Variants in SLTM observed in about 807,000 individuals in gnomAD.
The protein encoded by SLTM is SAFB like transcription modulator.
A neutral mutation model predicts 134.6 loss-of-function variants in SLTM; 43 were observed. The observed-to-expected ratio is 0.32, with a 90% CI of 0.25 to 0.41. The LOEUF is 0.41. SLTM is among the 10% of genes least tolerant of loss of function. The pLI is 1.00. For missense variants in SLTM, 1,055 were observed against 1,288.8 expected (o/e 0.82, Z 2.78); for synonymous variants, 424 against 432.3 (o/e 0.98, Z 0.24).
intron 2 of SLTM, among the ~76,000 whole-genome samples, chr15:58,924,935 T>A (rs1242215682): frequency 6.6e-6 from 1 of 152,128 alleles, no homozygotes; most frequent in Admixed American, 6.6e-5. Context: ...TCTTCCTGCC[T>A]TGGCCTCCCA....
intron 14 of SLTM, among the ~76,000 whole-genome samples, chr15:58,891,674 C>T (rs1375707524): frequency 3.9e-5 from 6 of 152,178 alleles, no homozygotes; most frequent in African/African-American, 1.4e-4. Flanking sequence ...ATGCAAACAT[C>T]TGACTACTTC....
intron 2 of SLTM, among the ~76,000 whole-genome samples, chr15:58,924,161 G>A (rs2037301193): frequency 6.6e-6 from 1 of 152,038 alleles, no homozygotes; most frequent in Non-Finnish European, 1.5e-5. Flanking sequence ...AAAATAAATT[G>A]GGCAGTAAAC....
intron 14 of SLTM, among the ~76,000 whole-genome samples, chr15:58,890,771 A>C (rs2034586214): frequency 6.6e-6 from 1 of 152,202 alleles, no homozygotes; most frequent in African/African-American, 2.4e-5. Flanking sequence ...TTTTAGAAGG[A>C]TGTAATCTGC....
At chr15:58,896,767 T>G (rs1275770328) in intron 9 of SLTM, among the ~76,000 whole-genome samples, 1 of 152,184 alleles carries the variant, frequency 6.6e-6, no homozygotes, top group African/African-American at 2.4e-5. Flanking sequence ...AATAATAGTC[T>G]AAATATAAAT....
chr15:58,885,823 C>CA (rs781185278), intron 19 of SLTM, among the ~76,000 whole-genome samples: 1 of 151,304 alleles, frequency 6.6e-6, no homozygotes, highest in African/African-American at 2.4e-5. Context: ...AAAACAACAA[C>CA]ACACACACAC....
intron 5 of SLTM, among the ~76,000 whole-genome samples, chr15:58,911,492 C>G (rs1225367987): frequency 6.6e-6 from 1 of 152,148 alleles, no homozygotes; most frequent in African/African-American, 2.4e-5. Flanking sequence ...CTAACACATA[C>G]CAATGGGCGC....
intron 2 of SLTM, among the ~76,000 whole-genome samples, chr15:58,926,367 T>G (rs2037468996): frequency 6.6e-6 from 1 of 152,174 alleles, no homozygotes; most frequent in Admixed American, 6.5e-5. Flanking sequence ...AAAAAACCTT[T>G]AAACATAAAC....
rs771816202 is a variant in SLTM, at chr15:58,883,789, A to G, written c.2836-3T>C. 4.3e-6 allele frequency: 7 copies of G among 1,613,702 alleles called. No homozygotes were observed. In the South Asian group the frequency reaches 6.6e-5, roughly 15 times the overall value. ...ACATGTCGCTCCTCAGGATAGTGCT[A>G]AAAGAATAGCATATGAAAAGTCACT... On this transcript the variant is annotated splice_region_variant and splice_polypyrimidine_tract_variant and intron_variant, in intron 19 of 20. Coordinates refer to ENST00000380516, the MANE Select transcript of SLTM (RefSeq NM_024755.4).
At chr15:58,914,618 T>C (rs1305658752) in intron 3 of SLTM, among the ~76,000 whole-genome samples, 2 of 152,190 alleles carry the variant, frequency 1.3e-5, no homozygotes, top group African/African-American at 2.4e-5. Context: ...GGCTGTATTA[T>C]GGCAGAAGAA....
intron 2 of SLTM, among the ~76,000 whole-genome samples, chr15:58,927,033 T>C (rs1234502798): frequency 6.6e-6 from 1 of 152,084 alleles, no homozygotes; most frequent in East Asian, 1.9e-4. Flanking sequence ...ACAGCATCAA[T>C]GTGGTAAAGA....
At chr15:58,906,408 C>T (rs2035872522) in intron 5 of SLTM, among the ~76,000 whole-genome samples, 1 of 152,144 alleles carries the variant, frequency 6.6e-6, no homozygotes, top group Admixed American at 6.5e-5. Flanking sequence ...GATGTGCAAT[C>T]CTTAGTCAAA....
intron 2 of SLTM, among the ~76,000 whole-genome samples, chr15:58,923,356 AAAAC>A (rs1301367493): frequency 1.3e-5 from 2 of 152,166 alleles, no homozygotes; most frequent in Admixed American, 6.6e-5. Flanking sequence ...AGACTCCTCA[AAAAC>A]AAACAAATAA....
intron 2 of SLTM, among the ~76,000 whole-genome samples, chr15:58,922,085 C>T (rs1480022469): frequency 2.6e-5 from 4 of 151,810 alleles, no homozygotes; most frequent in Non-Finnish European, 5.9e-5. Flanking sequence ...TTTTAAAAAG[C>T]TATAATGTTG....
Position 58,933,464 on chromosome 15 carries a change from C to T in SLTM, c.102G>A (p.Leu34=), listed in dbSNP as rs764319437. ...CGGTGATGTCTAAGTTCCGCCGCTT[C>T]AGCTCGGACTTCAGATCGATGACCC... The part of the protein sequence containing the change: ...DLRVIDLKSE[L]KRRNLDITGV... The change falls in exon 1 of 21, where the codon CTG becomes CTA. Residue 34 remains leucine (L), a synonymous_variant. Coordinates refer to ENST00000380516, the MANE Select transcript of SLTM (RefSeq NM_024755.4). 3 of 1,597,836 alleles carry T rather than the reference C, an allele frequency of 1.9e-6. No individual in the cohort carries two copies. Among genetic ancestry groups the T allele is most frequent in the Non-Finnish European group, 2.6e-6 (3 of 1,172,890 alleles).
intron 20 of SLTM, among the ~76,000 whole-genome samples, chr15:58,881,444 G>A (rs7173317): frequency 6.6e-6 from 1 of 151,624 alleles, no homozygotes; most frequent in Non-Finnish European, 1.5e-5. Flanking sequence ...GGAGAATCAC[G>A]TGAACCCAGG....
chr15:58,882,791 G>C (rs1032513098), intron 20 of SLTM, among the ~76,000 whole-genome samples: 8 of 152,330 alleles, frequency 5.3e-5, no homozygotes, highest in African/African-American at 1.4e-4. Context: ...ACATGAAAGA[G>C]ATGGGGAAGC....
At chr15:58,889,591 A>G (rs2034503635) in intron 15 of SLTM, 37 bp from the exon 16 acceptor site, 2 of 1,610,844 alleles carry the variant, frequency 1.2e-6, no homozygotes, top group East Asian at 4.5e-5. Context: ...AACCAAGGCA[A>G]AATGAAAACA....
At chr15:58,880,884 C>A (rs1460554455) in intron 20 of SLTM, among the ~76,000 whole-genome samples, 1 of 152,084 alleles carries the variant, frequency 6.6e-6, no homozygotes, top group Non-Finnish European at 1.5e-5. Context: ...TTTTAACAAG[C>A]CCTCCAGGTG....
At chr15:58,917,342 A>T (rs2036719624) in intron 2 of SLTM, among the ~76,000 whole-genome samples, 1 of 152,178 alleles carries the variant, frequency 6.6e-6, no homozygotes, top group South Asian at 2.1e-4. Context: ...CTAACTATAT[A>T]TATAGACACC....
Sources: allele counts gnomAD v4.1 joint callset (sites outside exome capture counted in the v4.1 genomes callset), GRCh38; gene constraint gnomAD v4.1.1; transcripts MANE v1.5; gene names NCBI Gene and HGNC (gene_info 2026-07-23, HGNC 2026-07-21).